VTA1: variants seen among roughly 807,000 people sequenced by gnomAD.
VTA1 encodes the protein vacuolar protein sorting-associated protein VTA1 homolog.
In VTA1, 24 loss-of-function variants were observed where a neutral mutation model predicts 36.9. That is an observed-to-expected ratio of 0.65 (90% confidence interval 0.47 to 0.91). The LOEUF (loss-of-function observed/expected upper bound fraction) is 0.91. VTA1 is among the 40% of genes least tolerant of loss of function. VTA1 has a pLI of 0.00. For synonymous variants in VTA1, 142 were observed against 130.2 expected, an observed-to-expected ratio of 1.09 and a Z score of -0.62; for missense variants, 393 against 377.2, an observed-to-expected ratio of 1.04 and a Z score of -0.35.
intron 1 of VTA1, among the ~76,000 whole-genome samples, chr6:142,160,967 C>T (rs888595471): frequency 1.2e-4 from 18 of 151,342 alleles, no homozygotes; most frequent in Non-Finnish European, 2.5e-4. Flanking sequence ...TCAGGAGTGG[C>T]TTTTTCTTAA....
At chr6:142,193,010 A>G (rs1416595686) in intron 5 of VTA1, among the ~76,000 whole-genome samples, 4 of 152,076 alleles carry the variant, frequency 2.6e-5, no homozygotes, top group African/African-American at 9.7e-5. Flanking sequence ...AGATTTTAGC[A>G]GTTGACTCAG....
intron 7 of VTA1, among the ~76,000 whole-genome samples, chr6:142,212,841 A>G (rs912483615): frequency 9.9e-5 from 15 of 152,148 alleles, no homozygotes; most frequent in Non-Finnish European, 1.6e-4. Context: ...CACAAGAATA[A>G]CAAGGGGCAC....
intron 7 of VTA1, among the ~76,000 whole-genome samples, chr6:142,216,850 C>G (rs932543108): frequency 1.3e-5 from 2 of 152,126 alleles, no homozygotes; most frequent in Admixed American, 6.5e-5. Flanking sequence ...CCAGTAAATT[C>G]TGGATGGATG....
intron 4 of VTA1, among the ~76,000 whole-genome samples, chr6:142,180,517 A>G (rs1775206807): frequency 6.6e-6 from 1 of 152,222 alleles, no homozygotes; most frequent in Non-Finnish European, 1.5e-5. Context: ...AAATTAAATT[A>G]TTAGTGGGCT....
chr6:142,214,321 A>G (rs1288522657), intron 7 of VTA1, among the ~76,000 whole-genome samples: 4 of 152,180 alleles, frequency 2.6e-5, no homozygotes, highest in African/African-American at 7.2e-5. Context: ...AAACCACCTC[A>G]GGCTGGACTT....
chr6:142,147,826 T>A (rs1778484088), intron 1 of VTA1, among the ~76,000 whole-genome samples: 1 of 152,206 alleles, frequency 6.6e-6, no homozygotes, highest in Non-Finnish European at 1.5e-5. Context: ...AAGTGAATAT[T>A]ATTTATGACA....
intron 7 of VTA1, among the ~76,000 whole-genome samples, chr6:142,208,724 T>C (rs1773306071): frequency 6.6e-6 from 1 of 152,110 alleles, no homozygotes; most frequent in South Asian, 2.1e-4. Context: ...CTCCAAATCG[T>C]CTGGCAACAG....
At chr6:142,207,247 A>G (rs1254301301) in intron 7 of VTA1, among the ~76,000 whole-genome samples, 1 of 152,214 alleles carries the variant, frequency 6.6e-6, no homozygotes, top group Non-Finnish European at 1.5e-5. Flanking sequence ...CACTGAAAGA[A>G]GTAAAATTGA....
chr6:142,209,198 G>T (rs890632461), intron 7 of VTA1, among the ~76,000 whole-genome samples: 1 of 151,904 alleles, frequency 6.6e-6, no homozygotes, highest in African/African-American at 2.4e-5. Flanking sequence ...GAAGTTACAG[G>T]ATACAGAATC....
chr6:142,166,169 C>T (rs1357332295), intron 1 of VTA1, 59 bp from the exon 2 acceptor site: 11 of 1,131,598 alleles, frequency 9.7e-6, no homozygotes, highest in East Asian at 2.5e-5. Context: ...ATTTTAAACA[C>T]TCATAAACAT....
intron 1 of VTA1, among the ~76,000 whole-genome samples, chr6:142,165,922 CTCTG>C (rs1774904852): frequency 6.6e-6 from 1 of 151,334 alleles, no homozygotes; most frequent in Admixed American, 6.6e-5. Context: ...TTGCTGTGTG[CTCTG>C]TCTTACCAAT....
chr6:142,197,764 A>C (rs904324094), intron 5 of VTA1, among the ~76,000 whole-genome samples: 4 of 152,094 alleles, frequency 2.6e-5, no homozygotes, highest in Non-Finnish European at 5.9e-5. Flanking sequence ...TCATAAGTTT[A>C]AAGAAAGTTT....
At chr6:142,150,254 C>T (rs980434372) in intron 1 of VTA1, among the ~76,000 whole-genome samples, 2 of 152,146 alleles carry the variant, frequency 1.3e-5, no homozygotes, top group African/African-American at 4.8e-5. Flanking sequence ...GAACACTGCT[C>T]TTGGTGACTT....
Position 142,153,946 on chromosome 6 carries a change from T to C in VTA1, c.112+6547T>C, listed in dbSNP as rs543067118. Among the ~76,000 whole-genome samples the C allele has an allele frequency of 1.1e-4, 17 of 152,234 alleles. No individual in the cohort carries two copies. In the East Asian group the frequency reaches 1.3e-3, roughly 12 times the overall value. The stretch of plus-strand genomic sequence containing the variant: ...ATGATAATATCTTGCAAAACTATAA[T>C]AATGTACCATAACCAGAATATTGGC... On this transcript the variant is annotated intron_variant, in intron 1 of 7. Transcript: ENST00000367630.
intron 6 of VTA1, among the ~76,000 whole-genome samples, chr6:142,203,361 T>G (rs1775727361): frequency 6.6e-6 from 1 of 152,058 alleles, no homozygotes; most frequent in African/African-American, 2.4e-5. Context: ...GATTGAATCA[T>G]TTCAGTCCTT....
chr6:142,174,721 G>A (rs974847646), intron 4 of VTA1, among the ~76,000 whole-genome samples: 2 of 152,174 alleles, frequency 1.3e-5, no homozygotes, highest in African/African-American at 4.8e-5. Flanking sequence ...CTGGTGGGAG[G>A]AGTGGTCATG....
intron 7 of VTA1, among the ~76,000 whole-genome samples, chr6:142,205,341 C>T (rs1190668154): frequency 2.6e-5 from 4 of 151,990 alleles, no homozygotes; most frequent in Non-Finnish European, 5.9e-5. Context: ...TTCTGTGTTA[C>T]TTTATCATTT....
intron 1 of VTA1, among the ~76,000 whole-genome samples, chr6:142,157,378 C>T (rs1778681262): frequency 6.6e-6 from 1 of 152,082 alleles, no homozygotes; most frequent in Non-Finnish European, 1.5e-5. Context: ...TCTCAGGGTA[C>T]TTTACTGTAG....
intron 1 of VTA1, among the ~76,000 whole-genome samples, chr6:142,158,439 C>G (rs1778705260): frequency 6.6e-6 from 1 of 151,948 alleles, no homozygotes; most frequent in African/African-American, 2.4e-5. Flanking sequence ...GTGGATTAAT[C>G]AATTTTTCTA....
Sources: gnomAD v4.1 joint callset for allele counts (sites outside exome capture counted in the v4.1 genomes callset) on GRCh38, gnomAD v4.1.1 for gene constraint, MANE v1.5 for transcripts, NCBI Gene and HGNC (gene_info 2026-07-23, HGNC 2026-07-21) for gene names.